The following ADPRHL1 variants were observed in gnomAD, a reference collection of about 807,000 sequenced individuals.
ADPRHL1 encodes the protein inactive ADP-ribosyltransferase ARH2.
In ADPRHL1, 43 loss-of-function variants were observed where a neutral mutation model predicts 44.1. The ratio of observed to expected loss-of-function variants is 0.98; its 90% CI spans 0.76 to 1.26. The LOEUF is 1.26. ADPRHL1 is among the 50% of genes most tolerant of loss of function. The pLI is 0.00. For synonymous variants in ADPRHL1, 878 were observed against 1,017.4 expected (o/e 0.86, Z 2.61); for missense variants, 2,022 against 2,496.9 (o/e 0.81, Z 4.05).
chr13:113,444,648 C>T, intron 1 of ADPRHL1, 59 bp from the exon 2 acceptor site: 1 of 1,569,694 alleles, frequency 6.4e-7, no homozygotes, highest in Non-Finnish European at 8.7e-7. Context: ...TGTGGCCTCC[C>T]TCCCGCGGGG....
rs1440666758 is a variant in ADPRHL1 at position 113,412,803 on chromosome 13, A to G, written c.1062-4583T>C. 5.8e-3 allele frequency among the ~76,000 whole-genome samples: 505 copies of G among 87,792 alleles called. 6 individuals carry two copies. The highest frequency in any genetic ancestry group is 0.02 in the African/African-American group (422 of 21,080). 57.6% of individuals were successfully genotyped at this position (87,792 alleles called of 152,430 possible). A position where few individuals can be genotyped will look rare whatever the true frequency, so the allele number is the denominator to read the frequency against. On this transcript the variant is annotated intron_variant, in intron 7 of 7. Coordinates refer to ENST00000612156, the MANE Select transcript of ADPRHL1 (RefSeq NM_001394807.1). ...CGCAGAACTCGGTTCACCCACCGCC[A>G]ACAGCACCCCGCAGAACTCGGTTCA... is the stretch of plus-strand genomic sequence containing the variant.
At chr13:113,424,947 C>T in intron 5 of ADPRHL1, 105 bp downstream of exon 5, 2 of 1,343,318 alleles carry the variant, frequency 1.5e-6, no homozygotes, top group Non-Finnish European at 2.1e-6. Flanking sequence ...TCCATCTATC[C>T]ATCCATCCAT....
chr13:113,426,589 C>T (rs998471107), intron 4 of ADPRHL1, among the ~76,000 whole-genome samples: 6 of 152,246 alleles, frequency 3.9e-5, no homozygotes, highest in Admixed American at 1.3e-4. Context: ...CAGGCACCCG[C>T]GACTCAGGCC....
At chr13:113,418,345 G>C (rs1021295428) in intron 7 of ADPRHL1, among the ~76,000 whole-genome samples, 1 of 152,168 alleles carries the variant, frequency 6.6e-6, no homozygotes, top group Non-Finnish European at 1.5e-5. Flanking sequence ...ACGGGGGCTG[G>C]GCTTCGCCAC....
At chr13:113,424,449 T>C in intron 5 of ADPRHL1, 100 bp from the exon 6 acceptor site, 1 of 1,496,904 alleles carries the variant, frequency 6.7e-7, no homozygotes, top group Non-Finnish European at 9.1e-7. Flanking sequence ...GAACTGCCAT[T>C]TCATCCATCC....
At chr13:113,432,707 G>A (rs555395395) in intron 3 of ADPRHL1, among the ~76,000 whole-genome samples, 4 of 150,956 alleles carry the variant, frequency 2.6e-5, no homozygotes, top group African/African-American at 7.3e-5. Flanking sequence ...ATCGAAGGCC[G>A]GTTGCTCACC....
At chr13:113,424,490 T>A (rs1366800505) in intron 5 of ADPRHL1, 141 bp from the exon 6 acceptor site, 2 of 1,205,830 alleles carry the variant, frequency 1.7e-6, no homozygotes, top group Non-Finnish European at 2.3e-6. Context: ...AATCTGGCTC[T>A]GTCCCCCAGG....
Position 113,404,112 on chromosome 13 carries a change from C to T in ADPRHL1, c.5170G>A (p.Ala1724Thr), listed in dbSNP as rs1401816810. ...GCCCCTTTCTGGGCCTGTTCCCGAG[C>T]CCGTTCCTGAGCCCCTTTCTGGGCC... The part of the protein sequence containing the change: ...EQAQKGAQER[A>T]REQAQKGAQE... The change falls in exon 8 of 8, where the codon GCT (alanine) becomes ACT (threonine). Residue 1724 changes from alanine to threonine, a missense_variant. Transcript: ENST00000612156. The T allele has an allele frequency of 2.2e-6, 2 of 917,220 alleles. No individual in the cohort carries two copies. Among genetic ancestry groups the T allele is most frequent in the Non-Finnish European group, 2.8e-6 (2 of 706,472 alleles). 56.8% of individuals were successfully genotyped at this position (917,220 alleles called of 1,614,324 possible).
At position 113,410,773 on chromosome 13, in the gene ADPRHL1, C is replaced by T. The variant is rs112173972; in HGVS notation, c.1062-2553G>A. On this transcript the variant is annotated intron_variant, in intron 7 of 7. Coordinates refer to ENST00000612156, the MANE Select transcript of ADPRHL1 (RefSeq NM_001394807.1). ...GGATGGGGAGGGCAGAGGAGCAGGC[C>T]GACCTCGGGGTTGGGGGACCAGCCT... 8.1e-3 allele frequency among the ~76,000 whole-genome samples: 1,231 copies of T among 152,336 alleles called. 14 individuals are homozygous for T. The highest frequency in any genetic ancestry group is 0.026 in the African/African-American group (1,072 of 41,576).
intron 7 of ADPRHL1, among the ~76,000 whole-genome samples, chr13:113,413,342 G>T (rs2043869747): frequency 6.6e-6 from 1 of 152,180 alleles, no homozygotes; most frequent in African/African-American, 2.4e-5. Context: ...ACCCGGCTCA[G>T]ATGCCCCCAC....
chr13:113,435,176 G>C, intron 2 of ADPRHL1, among the ~76,000 whole-genome samples: 1 of 38,414 alleles, frequency 2.6e-5, no homozygotes, highest in Non-Finnish European at 5.7e-5. Flanking sequence ...GGTGTACCCT[G>C]TGACCCAGCA....
At chr13:113,412,823 G>A (rs1212817468) in intron 7 of ADPRHL1, among the ~76,000 whole-genome samples, 6 of 91,368 alleles carry the variant, frequency 6.6e-5, no homozygotes, top group African/African-American at 2.4e-4. Context: ...CGCAGAACTC[G>A]GTTCACCCAC....
chr13:113,415,803 A>C (rs1434035116), intron 7 of ADPRHL1, among the ~76,000 whole-genome samples: 1 of 149,426 alleles, frequency 6.7e-6, no homozygotes, highest in Non-Finnish European at 1.5e-5. Flanking sequence ...TCGCCTCCTT[A>C]GTAGTTTTTT....
At position 113,403,833 on chromosome 13, in the gene ADPRHL1, C is replaced by T. The variant is rs1422716589; in HGVS notation, c.5449G>A (p.Ala1817Thr). ...QALTSGMAPR[A>T]WEQPISGIAE... The stretch of plus-strand genomic sequence containing the variant: ...ATGCCACTAATGGGCTGCTCCCAGG[C>T]CCGAGGCGCCATCCCACTTGTCAAG... Residue 1817 changes from alanine to threonine, a missense_variant, in exon 8 of 8, where the codon GCC becomes ACC. Transcript: ENST00000612156. 5 of 1,165,372 alleles carry T rather than the reference C, an allele frequency of 4.3e-6. No individual in the cohort carries two copies. The highest frequency in any genetic ancestry group is 5.3e-6 in the Non-Finnish European group (5 of 947,102). The allele number at this position is 1,165,372 out of a possible 1,614,324, so 72.2% of individuals were successfully genotyped here.
chr13:113,433,584 G>A (rs2044022317), intron 3 of ADPRHL1, among the ~76,000 whole-genome samples, 158 bp downstream of exon 3: 1 of 152,214 alleles, frequency 6.6e-6, no homozygotes, highest in South Asian at 2.1e-4. Context: ...CAGGCAGCCG[G>A]CAGGTGCAGG....
chr13:113,451,067 G>C (rs1189155786), intron 1 of ADPRHL1, among the ~76,000 whole-genome samples: 1 of 152,166 alleles, frequency 6.6e-6, no homozygotes. Flanking sequence ...TGGCGTCACA[G>C]CTAGACCAAG....
Position 113,425,091 on chromosome 13 carries a change from G to A in ADPRHL1, c.735C>T (p.Ala245=), listed in dbSNP as rs2043958563. ...CTGCATCATAATTGTCGGGGAAGAT[G>A]GCTTTATTTTCTGAGTCTTTACTGA... is the stretch of plus-strand genomic sequence containing the variant. ...RKISKDSENK[A]IFPDNYDAEE... is the part of the protein sequence containing the mutation. The change falls in exon 5 of 8, where the codon GCC becomes GCT. Residue 245 remains alanine, a synonymous_variant. Coordinates refer to ENST00000612156, the MANE Select transcript of ADPRHL1 (RefSeq NM_001394807.1). 1.2e-6 allele frequency: 2 copies of A among 1,613,476 alleles called. No homozygotes were observed. Among genetic ancestry groups the A allele is most frequent in the African/African-American group, 1.3e-5 (1 of 74,840 alleles).
chr13:113,426,418 G>T (rs2043968873), intron 4 of ADPRHL1, among the ~76,000 whole-genome samples: 1 of 152,244 alleles, frequency 6.6e-6, no homozygotes, highest in African/African-American at 2.4e-5. Flanking sequence ...ATCACATGAG[G>T]TGACAGGGCA....
intron 7 of ADPRHL1, among the ~76,000 whole-genome samples, chr13:113,420,418 C>A (rs193061534): frequency 1.1e-4 from 16 of 152,048 alleles, no homozygotes; most frequent in African/African-American, 3.9e-4. Context: ...CCTGCTCATG[C>A]GAGCTGGCCT....
Sources: gnomAD v4.1 joint callset for allele counts (sites outside exome capture counted in the v4.1 genomes callset) on GRCh38, gnomAD v4.1.1 for gene constraint, MANE v1.5 for transcripts, NCBI Gene and HGNC (gene_info 2026-07-23, HGNC 2026-07-21) for gene names.